Variants in ZBTB20 observed in about 807,000 individuals in gnomAD.
ZBTB20 encodes the protein zinc finger and BTB domain containing 20.
In ZBTB20, 9 loss-of-function variants were observed where a neutral mutation model predicts 56.9. That is an observed-to-expected ratio of 0.16 (90% CI 0.10 to 0.28). The LOEUF is 0.28. Among genes scored for constraint, ZBTB20 ranks in the 10% least tolerant of loss-of-function variants. The probability of loss-of-function intolerance (pLI) is 1.00; values close to 1 mark genes in which losing one functional copy is unlikely to be tolerated. For synonymous variants in ZBTB20, 417 were observed against 420.7 expected (o/e 0.99, Z 0.11); for missense variants, 655 against 1,003.0 (o/e 0.65, Z 4.69).
intron 4 of ZBTB20, among the ~76,000 whole-genome samples, chr3:114,850,247 TAAC>T (rs1697810162): frequency 6.6e-6 from 1 of 152,084 alleles, no homozygotes; most frequent in Non-Finnish European, 1.5e-5. Context: ...GCAACACTCA[TAAC>T]TACTACTTTA....
intron 2 of ZBTB20, among the ~76,000 whole-genome samples, chr3:115,070,390 C>A (rs375978768): frequency 1.4e-4 from 21 of 152,142 alleles, no homozygotes; most frequent in African/African-American, 4.6e-4. Context: ...TTGGCATAAA[C>A]AAATTCAAAA....
At chr3:115,139,823 CTGAGT>C (rs1305701388) in intron 1 of ZBTB20, among the ~76,000 whole-genome samples, 1 of 151,972 alleles carries the variant, frequency 6.6e-6, no homozygotes, top group Non-Finnish European at 1.5e-5. Context: ...ATACACCTTC[CTGAGT>C]TAAGATGAGT....
intron 1 of ZBTB20, chr3:115,144,922 C>T (rs2084919817): frequency 6.6e-6 from 1 of 152,170 alleles, no homozygotes; most frequent in Non-Finnish European, 1.5e-5. Flanking sequence ...AATCATAAAA[C>T]CAAAAATATC....
intron 2 of ZBTB20, among the ~76,000 whole-genome samples, chr3:114,983,588 A>G (rs1430502547): frequency 6.6e-6 from 1 of 152,024 alleles, no homozygotes; most frequent in African/African-American, 2.4e-5. Context: ...AAGTCAAAAA[A>G]GGAAAGAAGT....
intron 2 of ZBTB20, among the ~76,000 whole-genome samples, chr3:115,014,148 A>G (rs1057283709): frequency 6.6e-6 from 1 of 151,730 alleles, no homozygotes; most frequent in Non-Finnish European, 1.5e-5. Context: ...GGTTAAGTGA[A>G]ATAAGCTAGG....
At chr3:114,679,385 T>G (rs888995261) in intron 6 of ZBTB20, among the ~76,000 whole-genome samples, 1 of 152,108 alleles carries the variant, frequency 6.6e-6, no homozygotes, top group African/African-American at 2.4e-5. Flanking sequence ...CATCTATCCA[T>G]GTGACAAAGG....
rs202002358 is a variant in ZBTB20 at position 114,373,340 on chromosome 3, G to GATATA, written c.199+6876_199+6877insTATAT. On this transcript the variant is annotated intron_variant, in intron 10 of 11. Transcript: ENST00000675478. ...GCAAATGTCTCTGAAATGGATATAG[G>GATATA]ATTCAGCTCAGCTGAATTATAACAA... Among the ~76,000 whole-genome samples, 842 of 152,296 alleles carry GATATA rather than the reference G, an allele frequency of 5.5e-3. 5 individuals carry two copies. Among genetic ancestry groups the GATATA allele is most frequent in the African/African-American group, 0.019 (801 of 41,556 alleles).
At chr3:114,621,123 A>G (rs2058290050) in intron 6 of ZBTB20, among the ~76,000 whole-genome samples, 1 of 152,178 alleles carries the variant, frequency 6.6e-6, no homozygotes, top group Non-Finnish European at 1.5e-5. Flanking sequence ...TTAATTTTAA[A>G]CTTTTATATA....
intron 7 of ZBTB20, among the ~76,000 whole-genome samples, chr3:114,492,873 T>A (rs2042894888): frequency 1.3e-5 from 2 of 152,178 alleles, no homozygotes; most frequent in African/African-American, 2.4e-5. Context: ...TCAGGTTTCA[T>A]CAGTTTTATA....
intron 6 of ZBTB20, among the ~76,000 whole-genome samples, chr3:114,513,321 T>C (rs1241577954): frequency 2.0e-5 from 3 of 152,226 alleles, no homozygotes; most frequent in African/African-American, 4.8e-5. Flanking sequence ...TCAATCCCTT[T>C]TCTAAAAATG....
chr3:114,675,626 T>C (rs151228891), intron 6 of ZBTB20, among the ~76,000 whole-genome samples: 62 of 152,286 alleles, frequency 4.1e-4, no homozygotes, highest in Middle Eastern at 3.4e-3. Context: ...ACCACACATA[T>C]TCTGTTACTG....
At chr3:114,769,427 A>G (rs1380506482) in intron 5 of ZBTB20, among the ~76,000 whole-genome samples, 4 of 151,104 alleles carry the variant, frequency 2.6e-5, no homozygotes, top group African/African-American at 4.9e-5. Context: ...TCCATCATAT[A>G]TATATGCATA....
At chr3:115,013,022 T>C (rs938713412) in intron 2 of ZBTB20, among the ~76,000 whole-genome samples, 1 of 151,760 alleles carries the variant, frequency 6.6e-6, no homozygotes, top group African/African-American at 2.4e-5. Flanking sequence ...GAACAAATGA[T>C]AGTAAAAACA....
chr3:114,749,189 T>TAG (rs1411955290), intron 5 of ZBTB20, among the ~76,000 whole-genome samples: 2 of 152,140 alleles, frequency 1.3e-5, no homozygotes, highest in African/African-American at 2.4e-5. Context: ...GGAGATCTAG[T>TAG]CAATCTATAG....
At chr3:114,374,572 G>T (rs557111967) in intron 10 of ZBTB20, among the ~76,000 whole-genome samples, 1 of 152,184 alleles carries the variant, frequency 6.6e-6, no homozygotes, top group East Asian at 1.9e-4. Context: ...CTCTATTACG[G>T]TTCTTCACAG....
At chr3:114,476,129 G>A (rs781674513) in intron 7 of ZBTB20, among the ~76,000 whole-genome samples, 25 of 152,150 alleles carry the variant, frequency 1.6e-4, no homozygotes, top group Non-Finnish European at 2.1e-4. Flanking sequence ...TTAATATATA[G>A]TATAAATAGT....
At chr3:114,805,292 C>T (rs1465672193) in intron 4 of ZBTB20, among the ~76,000 whole-genome samples, 1 of 151,810 alleles carries the variant, frequency 6.6e-6, no homozygotes, top group Non-Finnish European at 1.5e-5. Flanking sequence ...TCCAGGATAC[C>T]ATACTGCATT....
At chr3:115,135,400 C>T (rs922575780) in intron 1 of ZBTB20, among the ~76,000 whole-genome samples, 2 of 152,168 alleles carry the variant, frequency 1.3e-5, no homozygotes, top group African/African-American at 4.8e-5. Flanking sequence ...ATAGTTTCCT[C>T]AGAAAGCATA....
intron 2 of ZBTB20, among the ~76,000 whole-genome samples, chr3:115,025,578 G>A (rs2080390342): frequency 6.6e-6 from 1 of 150,702 alleles, no homozygotes; most frequent in Non-Finnish European, 1.5e-5. Context: ...CATATATCAA[G>A]AAAAAATGAT....
Sources: gnomAD v4.1 joint callset for allele counts (sites outside exome capture counted in the v4.1 genomes callset) on GRCh38, gnomAD v4.1.1 for gene constraint, MANE v1.5 for transcripts, NCBI Gene and HGNC (gene_info 2026-07-23, HGNC 2026-07-21) for gene names.